The following BDP1 variants were observed in gnomAD, a reference collection of about 807,000 sequenced individuals.
BDP1 encodes transcription factor TFIIIB component B'' homolog.
BDP1 carries 169 observed loss-of-function variants against 266.6 expected under a neutral mutation model. That is an observed-to-expected ratio of 0.63 (90% CI 0.56 to 0.72). The LOEUF is 0.72. Ranked by LOEUF, BDP1 falls within the 30% of genes least tolerant of loss-of-function variation. The pLI is 0.00. For synonymous variants in BDP1, 1,090 were observed against 1,022.4 expected, an observed-to-expected ratio of 1.07 and a Z score of -1.26; for missense variants, 3,015 against 3,053.8, an observed-to-expected ratio of 0.99 and a Z score of 0.30.
At chr5:71,549,280 G>A in intron 33 of BDP1, 140 bp from the exon 34 acceptor site, 1 of 708,846 alleles carries the variant, frequency 1.4e-6, no homozygotes, top group Non-Finnish European at 2.3e-6. Context: ...CAGGCTGGGG[G>A]GTTGTTGGGG....
At chr5:71,532,785 T>C (rs897840026) in intron 26 of BDP1, among the ~76,000 whole-genome samples, 18 of 152,242 alleles carry the variant, frequency 1.2e-4, no homozygotes, top group African/African-American at 4.3e-4. Context: ...AACAGCTTTA[T>C]TGACATATAA....
chr5:71,572,961 G>T, the BDP1 span, among the ~76,000 whole-genome samples: 2 of 152,176 alleles, frequency 1.3e-5, no homozygotes, highest in Admixed American at 1.3e-4. Context: ...AGGCATGGTG[G>T]CTCACGCCTG....
intron 4 of BDP1, among the ~76,000 whole-genome samples, chr5:71,464,829 C>T (rs1156761287): frequency 1.4e-5 from 2 of 148,124 alleles, no homozygotes; most frequent in Non-Finnish European, 3.0e-5. Flanking sequence ...AGCGATTCTG[C>T]TGCCTCAGCC....
At chr5:71,559,141 G>A (rs992300420) in intron 36 of BDP1, among the ~76,000 whole-genome samples, 1 of 152,126 alleles carries the variant, frequency 6.6e-6, no homozygotes, top group African/African-American at 2.4e-5. Context: ...ACGACAGAGC[G>A]AGACTCTGTC....
chr5:71,469,834 C>A (rs1762129569), intron 6 of BDP1, among the ~76,000 whole-genome samples: 2 of 137,872 alleles, frequency 1.5e-5, no homozygotes, highest in South Asian at 4.9e-4. Context: ...CCCGGCTGGT[C>A]TCAAACTCTT....
intron 37 of BDP1, among the ~76,000 whole-genome samples, chr5:71,561,839 G>C (rs981131219): frequency 1.3e-5 from 2 of 152,210 alleles, no homozygotes; most frequent in African/African-American, 4.8e-5. Flanking sequence ...TGATTTGAAT[G>C]CTAGAGATGT....
rs755199443 is a variant in BDP1 at position 71,539,036 on chromosome 5, T to C, written c.5893-6T>C. ...TTAAGATGTTACTTATTTTTTTCCT[T>C]TTTAGGAAATGACCACAAGTGAACA... is the stretch of plus-strand genomic sequence containing the variant. On this transcript the variant is annotated splice_region_variant and splice_polypyrimidine_tract_variant and intron_variant, in intron 26 of 38. Transcript: ENST00000358731. 2 of 1,594,206 alleles carry C rather than the reference T, an allele frequency of 1.3e-6. No individual in the cohort carries two copies. Among genetic ancestry groups the C allele is most frequent in the Non-Finnish European group, 1.7e-6 (2 of 1,165,800 alleles).
chr5:71,464,611 A>T (rs995141508), intron 4 of BDP1, among the ~76,000 whole-genome samples: 23 of 151,546 alleles, frequency 1.5e-4, no homozygotes, highest in African/African-American at 5.6e-4. Context: ...GTGTGAACAT[A>T]GCTCACTGCA....
chr5:71,482,000 G>T (rs931527555), intron 7 of BDP1, among the ~76,000 whole-genome samples: 2 of 152,158 alleles, frequency 1.3e-5, no homozygotes, highest in African/African-American at 4.8e-5. Flanking sequence ...TGTCTGAGGT[G>T]AATGTATTTG....
At chr5:71,464,715 G>GTTTTTTTTT (rs567761591) in intron 4 of BDP1, among the ~76,000 whole-genome samples, 9 of 88,082 alleles carry the variant, frequency 1.0e-4, no homozygotes, top group Non-Finnish European at 1.3e-4. Flanking sequence ...AAATTTTTTA[G>GTTTTTTTTT]TTTTTTTTTT....
At chr5:71,467,576 TAAAATG>T in intron 6 of BDP1, 89 bp downstream of exon 6, 1 of 1,118,022 alleles carries the variant, frequency 8.9e-7, no homozygotes, top group Non-Finnish European at 1.3e-6. Flanking sequence ...CCTAAGTACA[TAAAATG>T]CAAACTACCA....
In BDP1 at chr5:71,466,085, A is replaced by G. The variant is rs769466045; in HGVS notation, c.660-11A>G. The G allele has an allele frequency of 6.2e-7, 1 of 1,611,644 alleles. No individual in the cohort carries two copies. Among genetic ancestry groups the G allele is most frequent in the Non-Finnish European group, 8.5e-7 (1 of 1,179,114 alleles). ...TGCCTTTGTGAATTAACTTATCTTT[A>G]TATGTGGTAGGCAAGAAGGTAAGAG... is the stretch of plus-strand genomic sequence containing the variant. On this transcript the variant is annotated splice_polypyrimidine_tract_variant and intron_variant, in intron 4 of 38. Coordinates refer to ENST00000358731, the MANE Select transcript of BDP1 (RefSeq NM_018429.3).
At chr5:71,505,567 T>C (rs1764533336) in intron 16 of BDP1, among the ~76,000 whole-genome samples, 1 of 152,178 alleles carries the variant, frequency 6.6e-6, no homozygotes, top group South Asian at 2.1e-4. Flanking sequence ...CTTTTCAACT[T>C]GGAAATGTTT....
chr5:71,565,211 G>A lies in BDP1; in HGVS notation c.*326G>A, dbSNP rs1450563538. 1 of 196,048 alleles carries A rather than the reference G, an allele frequency of 5.1e-6. No homozygotes were observed. The highest frequency in any genetic ancestry group is 1.0e-5 in the Non-Finnish European group (1 of 97,068). 12.1% of individuals were successfully genotyped at this position (196,048 alleles called of 1,614,324 possible). A position where few individuals can be genotyped will look rare whatever the true frequency, so the allele number is the denominator to read the frequency against. Reference sequence around the variant, plus strand: ...GGGAATGTTGTGGATATATGTCTCTGTATGAATTGCAGTGCAGACAGATTT... The same window carrying A: ...GGGAATGTTGTGGATATATGTCTCTATATGAATTGCAGTGCAGACAGATTT... On this transcript the variant is annotated 3_prime_UTR_variant, in exon 39 of 39. Coordinates refer to ENST00000358731, the MANE Select transcript of BDP1 (RefSeq NM_018429.3).
At chr5:71,480,970 A>G (rs1018049080) in intron 7 of BDP1, among the ~76,000 whole-genome samples, 1 of 152,114 alleles carries the variant, frequency 6.6e-6, no homozygotes, top group Non-Finnish European at 1.5e-5. Flanking sequence ...AGGTCAGGAG[A>G]TAAAGACCAT....
rs3748043 is a variant in BDP1 at position 71,455,991 on chromosome 5, T to G, written c.114T>G (p.Asp38Glu). ...QRGRESPRPP[D>E]PATDSASKPA... ...GACGGGAGTCTCCCAGGCCGCCGGA[T>G]CCTGCCACGGACTCTGCTTCCAAGC... is the stretch of plus-strand genomic sequence containing the variant. Residue 38 changes from aspartate (D) to glutamate (E), a missense_variant, in exon 1 of 39, where the codon GAT (aspartate) becomes GAG (glutamate). Coordinates refer to ENST00000358731, the MANE Select transcript of BDP1 (RefSeq NM_018429.3). The G allele has an allele frequency of 0.82, 1,328,525 of 1,613,142 alleles. 549,699 individuals carry two copies. Among genetic ancestry groups the G allele is most frequent in the Admixed American group, 0.88 (52,975 of 60,006 alleles).
intron 32 of BDP1, among the ~76,000 whole-genome samples, chr5:71,547,164 TA>T (rs201447285): frequency 3.6e-4 from 55 of 151,134 alleles, no homozygotes; most frequent in Non-Finnish European, 3.5e-4. Context: ...GCTTTTTTTT[TA>T]TTTTTCTTAA....
At chr5:71,464,010 G>A in intron 3 of BDP1, 48 bp from the exon 4 acceptor site, 2 of 1,030,816 alleles carry the variant, frequency 1.9e-6, no homozygotes, top group South Asian at 1.6e-5. Context: ...GAATTGGGAA[G>A]ATATAAATTA....
At chr5:71,525,641 A>C (rs1443857696) in intron 25 of BDP1, among the ~76,000 whole-genome samples, 2 of 83,734 alleles carry the variant, frequency 2.4e-5, no homozygotes, top group African/African-American at 4.6e-5. Flanking sequence ...CGGGGGGCTG[A>C]CCCCCCCACC....
Sources: gnomAD v4.1 joint callset for allele counts (sites outside exome capture counted in the v4.1 genomes callset) on GRCh38, gnomAD v4.1.1 for gene constraint, MANE v1.5 for transcripts, NCBI Gene and HGNC (gene_info 2026-07-23, HGNC 2026-07-21) for gene names.